The following HTT variants were observed in gnomAD, a reference collection of about 807,000 sequenced individuals.
HTT encodes huntington disease protein.
Under a neutral mutation model 362.3 loss-of-function variants are expected in HTT, and 104 were observed. That is an observed-to-expected ratio of 0.29 (90% CI 0.24 to 0.34). HTT has a LOEUF of 0.34. HTT is among the 10% of genes least tolerant of loss of function. The probability of loss-of-function intolerance (pLI) is 1.00; values close to 1 mark genes in which losing one functional copy is unlikely to be tolerated. For missense variants in HTT, 3,301 were observed against 3,928.6 expected, an observed-to-expected ratio of 0.84 and a Z score of 4.27; for synonymous variants, 1,577 against 1,548.7, an observed-to-expected ratio of 1.02 and a Z score of -0.43.
At chr4:3,190,603 G>A (rs1282189030) in intron 40 of HTT, among the ~76,000 whole-genome samples, 1 of 151,686 alleles carries the variant, frequency 6.6e-6, no homozygotes, top group East Asian at 1.9e-4. Flanking sequence ...GCCAGGAGTA[G>A]TGGCATGAGC....
At chr4:3,085,534 A>G (rs569929171) in intron 1 of HTT, among the ~76,000 whole-genome samples, 1 of 152,322 alleles carries the variant, frequency 6.6e-6, no homozygotes, top group Non-Finnish European at 1.5e-5. Flanking sequence ...TCTTGCTCAG[A>G]GCAAGGTGGT....
intron 6 of HTT, among the ~76,000 whole-genome samples, chr4:3,110,970 T>C (rs924117585): frequency 2.6e-5 from 4 of 152,202 alleles, no homozygotes; most frequent in Non-Finnish European, 4.4e-5. Context: ...CTGGTACTTT[T>C]TAGATATCCA....
intron 66 of HTT, among the ~76,000 whole-genome samples, chr4:3,239,471 A>G (rs749132441): frequency 1.6e-4 from 25 of 152,226 alleles, no homozygotes; most frequent in Non-Finnish European, 2.5e-4. Context: ...GCCTCCAAGC[A>G]GCACAGTTGT....
intron 2 of HTT, among the ~76,000 whole-genome samples, chr4:3,096,725 T>A (rs1211444595): frequency 6.6e-6 from 1 of 152,184 alleles, no homozygotes; most frequent in Non-Finnish European, 1.5e-5. Flanking sequence ...AAATGGAAAT[T>A]TCTAGCATTA....
intron 41 of HTT, among the ~76,000 whole-genome samples, chr4:3,203,474 A>G (rs1719685873): frequency 6.6e-6 from 1 of 152,234 alleles, no homozygotes; most frequent in Admixed American, 6.5e-5. Context: ...GAAAAAAACA[A>G]TAAAGTGAGA....
chr4:3,212,810 C>A, intron 49 of HTT, 101 bp downstream of exon 49: 1 of 1,231,874 alleles, frequency 8.1e-7, no homozygotes, highest in Non-Finnish European at 1.2e-6. Context: ...AGATCTCTGA[C>A]CAGTCCAGTC....
chr4:3,229,610 AC>A (rs1392150648), intron 59 of HTT, among the ~76,000 whole-genome samples: 7 of 150,128 alleles, frequency 4.7e-5, no homozygotes, highest in Non-Finnish European at 4.4e-5. Context: ...CCACACACAC[AC>A]CACTTGCACA....
chr4:3,172,703 G>A (rs1368803754), intron 30 of HTT, among the ~76,000 whole-genome samples: 1 of 152,174 alleles, frequency 6.6e-6, no homozygotes. Flanking sequence ...GAATTGCAAG[G>A]AAACCCAAAA....
At chr4:3,229,268 C>T (rs1343733875) in intron 59 of HTT, among the ~76,000 whole-genome samples, 14 of 73,314 alleles carry the variant, frequency 1.9e-4, no homozygotes, top group African/African-American at 6.6e-4. Context: ...GCACCACACA[C>T]ATGCCACATG....
chr4:3,189,753 C>A (rs1482248176), intron 40 of HTT, among the ~76,000 whole-genome samples: 4 of 152,188 alleles, frequency 2.6e-5, no homozygotes, highest in African/African-American at 9.7e-5. Flanking sequence ...GACCAGGTGT[C>A]ATGGCTCATG....
chr4:3,213,704 G>T (rs971126539), intron 49 of HTT, among the ~76,000 whole-genome samples: 1 of 152,224 alleles, frequency 6.6e-6, no homozygotes, highest in African/African-American at 2.4e-5. Flanking sequence ...TTCTACAGGA[G>T]CCCACAGCGC....
chr4:3,131,651 C>G lies in HTT; in HGVS notation c.2112C>G (p.Asp704Glu). Residue 704 changes from aspartate to glutamate, a missense_variant, in exon 16 of 67, where the codon GAC (aspartate) becomes GAG (glutamate). This residue lies in a region of HTT where 2,316 missense variants were observed against 2,658.5 expected (regional missense o/e 0.87). Coordinates refer to ENST00000355072, the MANE Select transcript of HTT (RefSeq NM_001388492.1). ...LTGGKNVLVP[D>E]RDVRVSVKAL... is the part of the protein sequence containing the mutation. ...ATTTCTTGGCAGTGCTGGTTCCGGA[C>G]AGGGATGTGAGGGTCAGCGTGAAGG... is the stretch of plus-strand genomic sequence containing the variant. 1 of 1,613,378 alleles carries G rather than the reference C, an allele frequency of 6.2e-7. No homozygotes were observed. Among genetic ancestry groups the G allele is most frequent in the Non-Finnish European group, 8.5e-7 (1 of 1,179,756 alleles).
At chr4:3,220,566 A>G (rs939542707) in intron 53 of HTT, among the ~76,000 whole-genome samples, 2 of 152,160 alleles carry the variant, frequency 1.3e-5, no homozygotes, top group East Asian at 3.9e-4. Flanking sequence ...GGAAAGGTTC[A>G]TGTGTAGTGG....
At chr4:3,078,144 A>C (rs964807375) in intron 1 of HTT, among the ~76,000 whole-genome samples, 4 of 152,230 alleles carry the variant, frequency 2.6e-5, no homozygotes, top group African/African-American at 9.6e-5. Context: ...GGGTCCTCAC[A>C]GTAATTAGGA....
intron 29 of HTT, among the ~76,000 whole-genome samples, chr4:3,170,072 C>T (rs531301033): frequency 4.6e-5 from 7 of 152,246 alleles, no homozygotes; most frequent in Admixed American, 2.0e-4. Context: ...TGATACTCCT[C>T]GTTTTGGGTT....
intron 27 of HTT, among the ~76,000 whole-genome samples, chr4:3,154,823 A>G (rs1400511231): frequency 1.3e-5 from 2 of 152,252 alleles, no homozygotes; most frequent in Admixed American, 1.3e-4. Flanking sequence ...TCTGATTGGA[A>G]ATGGAATATT....
intron 46 of HTT, among the ~76,000 whole-genome samples, chr4:3,209,422 C>T (rs988574585): frequency 6.6e-6 from 1 of 152,178 alleles, no homozygotes; most frequent in Admixed American, 6.5e-5. Context: ...TTTCAAAAAC[C>T]AGCAGCCCAA....
Position 3,190,581 on chromosome 4 carries a change from T to TA in HTT, c.5368+1497dup, listed in dbSNP as rs1336309339. Among the ~76,000 whole-genome samples, 12 of 148,158 alleles carry TA rather than the reference T, an allele frequency of 8.1e-5. No individual in the cohort carries two copies. The South Asian group carries it at 1.1e-3, about 13-fold the overall frequency. ...CCCCATCTCCACAAAAATAAAAAAA[T>TA]AAAAAAAAATAGCCAGGAGTAGTGG... On this transcript the variant is annotated intron_variant, in intron 40 of 66. Coordinates refer to ENST00000355072, the MANE Select transcript of HTT (RefSeq NM_001388492.1).
Position 3,214,053 on chromosome 4 carries a change from C to A in HTT, c.6870C>A (p.Gly2290=). The A allele has an allele frequency of 6.2e-7, 1 of 1,610,014 alleles. No individual in the cohort carries two copies. The highest frequency in any genetic ancestry group is 8.5e-7 in the Non-Finnish European group (1 of 1,177,988). The part of the protein sequence containing the change: ...DCCCLALQLP[G]LWSVVSSTEF... The stretch of plus-strand genomic sequence containing the variant: ...GCTGCCTGGCCCTGCAGCTGCCTGG[C>A]CTCTGGAGCGTGGTCTCCTCCACAG... Residue 2290 remains glycine, a synonymous_variant, in exon 50 of 67, where the codon GGC becomes GGA. Coordinates refer to ENST00000355072, the MANE Select transcript of HTT (RefSeq NM_001388492.1).
Sources: gnomAD v4.1 joint callset for allele counts (sites outside exome capture counted in the v4.1 genomes callset) on GRCh38, gnomAD v4.1.1 for gene constraint, gnomAD v4.1.1 regional missense constraint, MANE v1.5 for transcripts, NCBI Gene and HGNC (gene_info 2026-07-23, HGNC 2026-07-21) for gene names.